The following CLEC16A variants were observed in gnomAD, a reference collection of about 807,000 sequenced individuals.
The protein encoded by CLEC16A is C-type lectin domain containing 16A, also known as protein CLEC16A.
CLEC16A carries 51 observed loss-of-function variants against 109.5 expected under a neutral mutation model. The observed-to-expected ratio is 0.47, with a 90% CI of 0.37 to 0.59. The LOEUF (loss-of-function observed/expected upper bound fraction) is 0.59. Among genes scored for constraint, CLEC16A ranks in the 20% least tolerant of loss-of-function variants. The pLI is 0.00. For synonymous variants in CLEC16A, 673 were observed against 564.2 expected (o/e 1.19, Z -2.73); for missense variants, 1,339 against 1,394.0 (o/e 0.96, Z 0.63).
At chr16:10,962,877 G>T (rs148235414) in intron 3 of CLEC16A, among the ~76,000 whole-genome samples, 2 of 152,220 alleles carry the variant, frequency 1.3e-5, no homozygotes, top group African/African-American at 4.8e-5. Flanking sequence ...GGACAACAAG[G>T]TGAAACCCCG....
intron 14 of CLEC16A, chr16:11,040,753 C>G (rs2047290084): frequency 6.6e-6 from 1 of 152,068 alleles, no homozygotes; most frequent in Non-Finnish European, 1.5e-5. Flanking sequence ...ACCTCATGAT[C>G]CACCCACCTC....
At chr16:11,048,197 C>T (rs1452580550) in intron 17 of CLEC16A, 4 of 152,390 alleles carry the variant, frequency 2.6e-5, no homozygotes, top group Non-Finnish European at 5.9e-5. Flanking sequence ...CCCGCATCCC[C>T]CGTGCTTCTC....
In CLEC16A at chr16:10,957,769, T is replaced by C. The variant is rs1323528013; in HGVS notation, c.81-13T>C. The C allele has an allele frequency of 2.5e-6, 4 of 1,613,722 alleles. No homozygotes were observed. Among genetic ancestry groups the C allele is most frequent in the Non-Finnish European group, 3.4e-6 (4 of 1,179,694 alleles). The stretch of plus-strand genomic sequence containing the variant: ...TGGTAACCTTTAATTTCCTTTTCTC[T>C]CATTTCTCTCAGGTATCTGTACCAC... On this transcript the variant is annotated splice_polypyrimidine_tract_variant and intron_variant, in intron 1 of 23. Transcript: ENST00000409790.
In CLEC16A at chr16:11,098,036, C is replaced by T. The variant is rs541144149; in HGVS notation, c.2117-22579C>T. ...ATCACTTGGAGAGCTTTAAGGCGCC[C>T]GGTGCCCAGGTCACACCCCACACCA... On this transcript the variant is annotated intron_variant, in intron 19 of 23. Transcript: ENST00000409790. Among the ~76,000 whole-genome samples the T allele has an allele frequency of 2.5e-3, 379 of 152,342 alleles. 1 individual carries two copies. The highest frequency in any genetic ancestry group is 8.8e-3 in the African/African-American group (366 of 41,562).
At chr16:11,019,769 CA>C (rs59863035) in intron 11 of CLEC16A, among the ~76,000 whole-genome samples, 17,108 of 81,240 alleles carry the variant, frequency 0.21, 698 homozygotes, top group South Asian at 0.22. Context: ...GACTCTGTCT[CA>C]AAAAAAAAAA....
intron 22 of CLEC16A, among the ~76,000 whole-genome samples, chr16:11,136,759 G>C (rs1055655333): frequency 2.0e-5 from 3 of 152,186 alleles, no homozygotes; most frequent in African/African-American, 7.2e-5. Context: ...GCTGAGCCAG[G>C]GCTGGAGAAG....
intron 19 of CLEC16A, among the ~76,000 whole-genome samples, chr16:11,078,810 C>T (rs1399091912): frequency 1.3e-5 from 2 of 152,288 alleles, no homozygotes; most frequent in Admixed American, 6.5e-5. Context: ...GGCAGATTCC[C>T]ATCTGCCCCT....
At chr16:11,019,991 C>T (rs1454270573) in intron 11 of CLEC16A, among the ~76,000 whole-genome samples, 1 of 152,206 alleles carries the variant, frequency 6.6e-6, no homozygotes, top group Non-Finnish European at 1.5e-5. Flanking sequence ...CTTGGTGTTG[C>T]TGTGATGAAT....
chr16:10,992,530 T>C lies in CLEC16A; in HGVS notation c.1071+9539T>C, dbSNP rs2044083284. 3.8e-5 allele frequency among the ~76,000 whole-genome samples: 3 copies of C among 78,306 alleles called. No individual in the cohort carries two copies. The Admixed American group carries it at 5.4e-4, about 14-fold the overall frequency. The allele number at this position is 78,306 out of a possible 152,430, so 51.4% of individuals were successfully genotyped here. On this transcript the variant is annotated intron_variant, in intron 10 of 23. Coordinates refer to ENST00000409790, the MANE Select transcript of CLEC16A (RefSeq NM_015226.3). Reference sequence around the variant, plus strand: ...CATAACCATGTACAATTATAATGCATCCATTAAAAAATAAAAAAGAAAAAG... The same window carrying C: ...CATAACCATGTACAATTATAATGCACCCATTAAAAAATAAAAAAGAAAAAG...
intron 23 of CLEC16A, among the ~76,000 whole-genome samples, chr16:11,172,097 C>A (rs2068541468): frequency 6.6e-6 from 1 of 151,108 alleles, no homozygotes; most frequent in South Asian, 2.1e-4. Flanking sequence ...TGCTCACATA[C>A]ACAAATTTGC....
intron 11 of CLEC16A, among the ~76,000 whole-genome samples, chr16:11,009,401 TG>T (rs1177723463): frequency 6.6e-6 from 1 of 152,188 alleles, no homozygotes; most frequent in African/African-American, 2.4e-5. Flanking sequence ...GCTATAAACA[TG>T]GGTATACAAA....
chr16:11,151,559 A>G lies in CLEC16A; in HGVS notation c.2642-14829A>G, dbSNP rs1405296289. ...AGAGTCTATGGGTTAATAGCAAAGT[A>G]GAAACCGTAGCTCAAAATGTCTGTT... On this transcript the variant is annotated intron_variant, in intron 22 of 23. Transcript: ENST00000409790. Among the ~76,000 whole-genome samples the G allele has an allele frequency of 2.6e-5, 4 of 152,272 alleles. No homozygotes were observed. The East Asian group carries it at 5.8e-4, about 22-fold the overall frequency.
chr16:11,154,732 C>T (rs1314859012), intron 22 of CLEC16A, among the ~76,000 whole-genome samples: 3 of 151,526 alleles, frequency 2.0e-5, no homozygotes, highest in African/African-American at 7.3e-5. Flanking sequence ...CGAGACCAGC[C>T]TGACCAACAT....
At chr16:10,976,805 C>T (rs548589086) in intron 7 of CLEC16A, among the ~76,000 whole-genome samples, 4 of 152,166 alleles carry the variant, frequency 2.6e-5, no homozygotes, top group South Asian at 2.1e-4. Flanking sequence ...GTCTGCATGT[C>T]GTCAGGGCCA....
At chr16:11,029,283 A>G (rs1310854620) in intron 13 of CLEC16A, among the ~76,000 whole-genome samples, 2 of 152,140 alleles carry the variant, frequency 1.3e-5, no homozygotes, top group Admixed American at 6.5e-5. Context: ...TGTGAGCTCC[A>G]GGAATTGTTC....
chr16:11,065,464 C>T (rs926762208), intron 19 of CLEC16A, among the ~76,000 whole-genome samples: 1 of 152,202 alleles, frequency 6.6e-6, no homozygotes, highest in African/African-American at 2.4e-5. Flanking sequence ...ATGCATTCAG[C>T]TATTTATTGA....
chr16:11,115,196 T>C (rs970969731), intron 19 of CLEC16A, among the ~76,000 whole-genome samples: 3 of 152,142 alleles, frequency 2.0e-5, no homozygotes, highest in African/African-American at 7.2e-5. Flanking sequence ...TGAACTTCTT[T>C]TGTGAATGTG....
At chr16:10,963,834 G>T (rs75936831) in intron 3 of CLEC16A, among the ~76,000 whole-genome samples, 69 of 152,302 alleles carry the variant, frequency 4.5e-4, no homozygotes, top group Non-Finnish European at 7.6e-4. Flanking sequence ...CATTCTTGGG[G>T]GTGCTGCTGA....
intron 19 of CLEC16A, among the ~76,000 whole-genome samples, chr16:11,072,526 A>T (rs998751915): frequency 1.3e-5 from 2 of 152,210 alleles, no homozygotes; most frequent in Non-Finnish European, 2.9e-5. Flanking sequence ...CATTTAATAG[A>T]TGGGGAGTAT....
Sources: allele counts gnomAD v4.1 joint callset (sites outside exome capture counted in the v4.1 genomes callset), GRCh38; gene constraint gnomAD v4.1.1; transcripts MANE v1.5; gene names NCBI Gene and HGNC (gene_info 2026-07-23, HGNC 2026-07-21).